Variants in R3HCC1 observed in about 807,000 individuals in gnomAD.
R3HCC1 encodes the protein R3H and coiled-coil domain-containing protein 1.
A neutral mutation model predicts 40.0 loss-of-function variants in R3HCC1; 32 were observed. The ratio of observed to expected loss-of-function variants is 0.80; its 90% confidence interval spans 0.60 to 1.07. The LOEUF (loss-of-function observed/expected upper bound fraction) is 1.07. Among genes scored for constraint, R3HCC1 ranks in the 50% least tolerant of loss-of-function variants. The probability of loss-of-function intolerance (pLI) is 0.00; values close to 1 mark genes in which losing one functional copy is unlikely to be tolerated. For synonymous variants in R3HCC1, 237 were observed against 232.8 expected, an observed-to-expected ratio of 1.02 and a Z score of -0.17; for missense variants, 586 against 563.3, an observed-to-expected ratio of 1.04 and a Z score of -0.41.
chr8:23,290,277 T>G lies in R3HCC1; in HGVS notation c.660T>G (p.Ser220Arg), dbSNP rs752887655. Reference sequence around the variant, plus strand: ...GCCCTGAGCCTCTGGGGCCTGAGAGTCAGTCAGGGAAGGGAGACATGGTGG... The same window carrying G: ...GCCCTGAGCCTCTGGGGCCTGAGAGGCAGTCAGGGAAGGGAGACATGGTGG... Residue 220 changes from serine (S) to arginine (R), a missense_variant, in exon 4 of 8, where the codon AGT becomes AGG. Transcript: ENST00000265806. 4.5e-6 allele frequency: 7 copies of G among 1,551,552 alleles called. No individual in the cohort carries two copies. In the South Asian group the frequency reaches 8.3e-5, roughly 18 times the overall value.
chr8:23,293,479 G>A, intron 6 of R3HCC1, 106 bp downstream of exon 6: 3 of 873,664 alleles, frequency 3.4e-6, no homozygotes, highest in Non-Finnish European at 5.4e-6. Flanking sequence ...AGGCTCAGCT[G>A]AGCCAGTAGG....
intron 4 of R3HCC1, among the ~76,000 whole-genome samples, 191 bp downstream of exon 4, chr8:23,290,660 T>C (rs1802848161): frequency 6.6e-6 from 1 of 152,082 alleles, no homozygotes; most frequent in African/African-American, 2.4e-5. Flanking sequence ...AGCCCAGCCA[T>C]GTAGGAGCTG....
In R3HCC1 at chr8:23,291,315, C is replaced by T. The variant is rs758740749; in HGVS notation, c.853-46C>T. The T allele has an allele frequency of 5.2e-6, 8 of 1,530,690 alleles. No homozygotes were observed. The South Asian group carries it at 9.7e-5, about 18-fold the overall frequency. 94.8% of individuals were successfully genotyped at this position (1,530,690 alleles called of 1,614,324 possible). ...AGCGCGTGGGCTAGTGGTTTGGGAG[C>T]TCTGCGTGTCCAAGCTCCCCTTGCT... On this transcript the variant is annotated intron_variant, in intron 4 of 7. Transcript: ENST00000265806.
intron 5 of R3HCC1, 37 bp from the exon 6 acceptor site, chr8:23,293,266 C>T (rs1427854424): frequency 6.5e-7 from 1 of 1,529,776 alleles, no homozygotes; most frequent in East Asian, 2.5e-5. Context: ...TGACTGCTTG[C>T]TTTCCTGAAT....
In R3HCC1 at chr8:23,294,792, T is replaced by C; in HGVS notation, c.1120T>C (p.Phe374Leu). The C allele has an allele frequency of 1.3e-6, 2 of 1,550,816 alleles. No homozygotes were observed. Among genetic ancestry groups the C allele is most frequent in the Non-Finnish European group, 1.7e-6 (2 of 1,146,850 alleles). ...AGCTGCGGAAGCCCTGACCCGGGAG[T>C]TCTCGGTGCTCAAGATCCGGCCCCT... The change falls in exon 7 of 8, where the codon TTC becomes CTC. Residue 374 changes from phenylalanine to leucine, a missense_variant. Transcript: ENST00000265806.
At chr8:23,293,465 G>A in intron 6 of R3HCC1, 92 bp downstream of exon 6, 1 of 1,021,096 alleles carries the variant, frequency 9.8e-7, no homozygotes, top group Non-Finnish European at 1.5e-6. Context: ...CATCTCCTGG[G>A]CGCAGGCTCA....
In R3HCC1 at chr8:23,288,192, G is replaced by A. The variant is rs577185902; in HGVS notation, c.-19+35G>A. The A allele has an allele frequency of 3.1e-4, 369 of 1,203,360 alleles. 1 individual carries two copies. The highest frequency in any genetic ancestry group is 6.3e-4 in the Admixed American group (17 of 27,064). The allele number at this position is 1,203,360 out of a possible 1,614,324, so 74.5% of individuals were successfully genotyped here. On this transcript the variant is annotated intron_variant, in intron 1 of 7. Coordinates refer to ENST00000265806, the MANE Select transcript of R3HCC1 (RefSeq NM_001136108.3). ...GCAGCACTGGGGGGGTGGTCGTCCC[G>A]ACCCCCGGGCTCCCGGGTGGGAAGG...
At position 23,291,552 on chromosome 8, in the gene R3HCC1, G is replaced by A. The variant is rs956217249; in HGVS notation, c.1025+19G>A. 70 of 1,549,422 alleles carry A rather than the reference G, an allele frequency of 4.5e-5. No homozygotes were observed. Among genetic ancestry groups the A allele is most frequent in the Non-Finnish European group, 5.9e-5 (68 of 1,146,406 alleles). The stretch of plus-strand genomic sequence containing the variant: ...AGTTCCAGTGAGTGGTGGCTGGGGA[G>A]GTGCTGCCTTCAGAGAGGAGCTAAG... On this transcript the variant is annotated intron_variant, in intron 5 of 7. Transcript: ENST00000265806.
At chr8:23,295,894 G>C in intron 7 of R3HCC1, 73 bp from the exon 8 acceptor site, 1 of 1,481,610 alleles carries the variant, frequency 6.7e-7, no homozygotes, top group Non-Finnish European at 9.0e-7. Context: ...TGGCTTGTAC[G>C]GCTGCTGTGT....
In R3HCC1 at chr8:23,290,072, C is replaced by CCT; in HGVS notation, c.458_459dup (p.Thr154LeufsTer35). On this transcript the variant is annotated frameshift_variant, in exon 4 of 8. Coordinates refer to ENST00000265806, the MANE Select transcript of R3HCC1 (RefSeq NM_001136108.3). LOFTEE classifies it high-confidence loss of function. ...CGCAGGCAGGAAGAATGGGGGCTGACCTCTACCTCGGTGCTCAAGAGAGAG... is the reference window on the plus strand; with the variant it reads ...CGCAGGCAGGAAGAATGGGGGCTGACCTCTCTACCTCGGTGCTCAAGAGAGAG... The CCT allele has an allele frequency of 6.5e-7, 1 of 1,549,142 alleles. No homozygotes were observed. Among genetic ancestry groups the CCT allele is most frequent in the Admixed American group, 2.0e-5 (1 of 51,018 alleles).
intron 7 of R3HCC1, chr8:23,295,312 T>C: frequency 2.7e-6 from 1 of 368,012 alleles, no homozygotes; most frequent in Non-Finnish European, 5.3e-6. Context: ...ACTCAGTGTG[T>C]GAGTTGGTTT....
intron 2 of R3HCC1, 148 bp from the exon 3 acceptor site, chr8:23,288,868 T>C: frequency 9.8e-7 from 1 of 1,024,128 alleles, no homozygotes; most frequent in Non-Finnish European, 1.4e-6. Context: ...TGCGATCACC[T>C]CTATCTATGC....
Position 23,294,830 on chromosome 8 carries a change from C to G in R3HCC1, c.1158C>G (p.Thr386=). The stretch of plus-strand genomic sequence containing the variant: ...AGATCCGGCCCCTCACACAGGGAAC[C>G]AAGCAGTCAAAGCTCAAAGCCTTGC... Residue 386 remains threonine, a synonymous_variant, in exon 7 of 8, where the codon ACC becomes ACG. Coordinates refer to ENST00000265806, the MANE Select transcript of R3HCC1 (RefSeq NM_001136108.3). 6.4e-7 allele frequency: 1 copy of G among 1,551,412 alleles called. No homozygotes were observed. Among genetic ancestry groups the G allele is most frequent in the Non-Finnish European group, 8.7e-7 (1 of 1,146,920 alleles).
intron 5 of R3HCC1, among the ~76,000 whole-genome samples, chr8:23,292,011 C>G (rs1480469450): frequency 6.6e-6 from 1 of 152,242 alleles, no homozygotes; most frequent in Non-Finnish European, 1.5e-5. Flanking sequence ...TTCCCTCCTC[C>G]TCAGCTTCCC....
At chr8:23,291,588 G>A in intron 5 of R3HCC1, 55 bp downstream of exon 5, 2 of 1,536,586 alleles carry the variant, frequency 1.3e-6, no homozygotes, top group Non-Finnish European at 8.8e-7. Flanking sequence ...ATACTTCTCT[G>A]TAGCTGGGGG....
Position 23,288,496 on chromosome 8 carries a change from T to C in R3HCC1, c.-18-10T>C. 1 of 1,535,780 alleles carries C rather than the reference T, an allele frequency of 6.5e-7. No individual in the cohort carries two copies. Among genetic ancestry groups the C allele is most frequent in the Non-Finnish European group, 8.7e-7 (1 of 1,146,646 alleles). ...GCTCTGATTCCCGGCCCTGCCCGTC[T>C]CTCTTACAGGCTCTCCCACCTGTCA... On this transcript the variant is annotated splice_polypyrimidine_tract_variant and intron_variant, in intron 1 of 7. Transcript: ENST00000265806.
rs534615994 is a variant in R3HCC1 at position 23,288,762 on chromosome 8, C to T, written c.110+129C>T. The stretch of plus-strand genomic sequence containing the variant: ...CCTTGGCCTTTAGTCTTTATAACGC[C>T]AGCTGCCTCTTTTAGCTGCATCTTT... On this transcript the variant is annotated intron_variant, in intron 2 of 7. Transcript: ENST00000265806. 3.4e-6 allele frequency: 4 copies of T among 1,181,036 alleles called. No homozygotes were observed. In the South Asian group the frequency reaches 4.4e-5, roughly 13 times the overall value. The allele number at this position is 1,181,036 out of a possible 1,614,324, so 73.2% of individuals were successfully genotyped here. A position where few individuals can be genotyped will look rare whatever the true frequency, so the allele number is the denominator to read the frequency against.
Position 23,288,498 on chromosome 8 carries a change from T to C in R3HCC1, c.-18-8T>C. 2 of 1,535,972 alleles carry C rather than the reference T, an allele frequency of 1.3e-6. No homozygotes were observed. The highest frequency in any genetic ancestry group is 1.7e-6 in the Non-Finnish European group (2 of 1,146,800). ...TCTGATTCCCGGCCCTGCCCGTCTC[T>C]CTTACAGGCTCTCCCACCTGTCACC... On this transcript the variant is annotated splice_polypyrimidine_tract_variant and splice_region_variant and intron_variant, in intron 1 of 7. Transcript: ENST00000265806.
chr8:23,293,065 C>T (rs1000951660), intron 5 of R3HCC1, among the ~76,000 whole-genome samples: 3 of 152,110 alleles, frequency 2.0e-5, no homozygotes, highest in African/African-American at 4.8e-5. Context: ...TTCTTTAGTT[C>T]TAGAAACTGG....
Sources: allele counts gnomAD v4.1 joint callset (sites outside exome capture counted in the v4.1 genomes callset), GRCh38; gene constraint gnomAD v4.1.1; transcripts MANE v1.5; gene names NCBI Gene and HGNC (gene_info 2026-07-23, HGNC 2026-07-21).